The following TARBP1 variants were observed in gnomAD, a reference collection of about 807,000 sequenced individuals.
The protein encoded by TARBP1 is tRNA guanosine 2 -O-methyltransferase TARBP1, also known as tRNA (guanosine(18)-2'-O)-methyltransferase TARBP1.
Under a neutral mutation model 178.6 loss-of-function variants are expected in TARBP1, and 144 were observed. The ratio of observed to expected loss-of-function variants is 0.81; its 90% CI spans 0.70 to 0.93. The LOEUF (loss-of-function observed/expected upper bound fraction) is 0.93. Ranked by LOEUF, TARBP1 falls within the 40% of genes least tolerant of loss-of-function variation. The pLI, the probability that TARBP1 is intolerant of heterozygous loss-of-function variation, is 0.00. For missense variants in TARBP1, 2,067 were observed against 2,011.7 expected (o/e 1.03, Z -0.53); for synonymous variants, 787 against 781.0 (o/e 1.01, Z -0.13).
At chr1:234,395,742 A>G (rs1324412509) in intron 26 of TARBP1, among the ~76,000 whole-genome samples, 1 of 152,096 alleles carries the variant, frequency 6.6e-6, no homozygotes, top group Non-Finnish European at 1.5e-5. Context: ...GTTCTGGGAG[A>G]GGATGAAGAG....
chr1:234,403,668 C>G lies in TARBP1; in HGVS notation c.3989+2235G>C, dbSNP rs114330280. ...TCACAGAACAGAGGTGGCTTAATGCCCAGGGTGCCTTATTTATTTGTTTAT... is the reference window on the plus strand; with the variant it reads ...TCACAGAACAGAGGTGGCTTAATGCGCAGGGTGCCTTATTTATTTGTTTAT... On this transcript the variant is annotated intron_variant, in intron 24 of 29. Coordinates refer to ENST00000040877, the MANE Select transcript of TARBP1 (RefSeq NM_005646.4). 9.1e-3 allele frequency among the ~76,000 whole-genome samples: 1,386 copies of G among 152,180 alleles called. 16 individuals carry two copies. The highest frequency in any genetic ancestry group is 0.015 in the Non-Finnish European group (1,041 of 67,976).
chr1:234,465,712 A>AAC lies in TARBP1; in HGVS notation c.1249-5_1249-4insGT. On this transcript the variant is annotated splice_polypyrimidine_tract_variant and splice_region_variant and intron_variant, in intron 4 of 29. Transcript: ENST00000040877. ...CCATTAATGGTCCAATAATAAACTA[A>AAC]AAAAAAAAAAAAAAAAAGACACGTA... 1.3e-6 allele frequency: 1 copy of AAC among 773,036 alleles called. No homozygotes were observed. Among genetic ancestry groups the AAC allele is most frequent in the African/African-American group, 2.0e-5 (1 of 50,590 alleles). The allele number at this position is 773,036 out of a possible 1,614,324, so 47.9% of individuals were successfully genotyped here.
At chr1:234,405,811 AAGG>A in intron 24 of TARBP1, 89 bp downstream of exon 24, 2 of 1,232,988 alleles carry the variant, frequency 1.6e-6, no homozygotes, top group Non-Finnish European at 2.3e-6. Context: ...GAGGATGTGG[AAGG>A]AGAAGCTGAC....
Position 234,461,830 on chromosome 1 carries a change from T to TGTGATTTC in TARBP1, c.1400-1442_1400-1435dup, listed in dbSNP as rs1667889430. 2.0e-5 allele frequency among the ~76,000 whole-genome samples: 3 copies of TGTGATTTC among 152,352 alleles called. No individual in the cohort carries two copies. In the South Asian group the frequency reaches 6.2e-4, roughly 32 times the overall value. On this transcript the variant is annotated intron_variant, in intron 6 of 29. Coordinates refer to ENST00000040877, the MANE Select transcript of TARBP1 (RefSeq NM_005646.4). Reference sequence around the variant, plus strand: ...CTTCATTCTGTCCTCTCTGCTAATCTGTGATTTCTTAAGGACCCTCATCTC... The same window carrying TGTGATTTC: ...CTTCATTCTGTCCTCTCTGCTAATCTGTGATTTCGTGATTTCTTAAGGACCCTCATCTC...
At chr1:234,465,821 A>G in intron 4 of TARBP1, 113 bp from the exon 5 acceptor site, 5 of 930,032 alleles carry the variant, frequency 5.4e-6, no homozygotes, top group Non-Finnish European at 7.6e-6. Flanking sequence ...ACCTGCTATA[A>G]GCAAAGCTGA....
At chr1:234,466,768 CA>C (rs1668480952) in intron 4 of TARBP1, among the ~76,000 whole-genome samples, 1 of 151,944 alleles carries the variant, frequency 6.6e-6, no homozygotes, top group African/African-American at 2.4e-5. Flanking sequence ...GAGGCTGAGG[CA>C]GGGGGATCAC....
At chr1:234,430,462 A>C (rs1664309358) in intron 14 of TARBP1, among the ~76,000 whole-genome samples, 161 bp from the exon 15 acceptor site, 1 of 152,226 alleles carries the variant, frequency 6.6e-6, no homozygotes, top group Non-Finnish European at 1.5e-5. Flanking sequence ...CACATCATTC[A>C]CTTCCACTAC....
At chr1:234,410,655 C>T (rs576736006) in intron 22 of TARBP1, 124 bp from the exon 23 acceptor site, 12 of 606,800 alleles carry the variant, frequency 2.0e-5, no homozygotes, top group Admixed American at 1.0e-4. Context: ...TGGAACAGCC[C>T]GGGGTCTGGG....
Position 234,471,212 on chromosome 1 carries a change from C to G in TARBP1, c.1075G>C (p.Glu359Gln). The change falls in exon 3 of 30, where the codon GAA becomes CAA. Residue 359 changes from glutamate (E) to glutamine (Q), a missense_variant. Coordinates refer to ENST00000040877, the MANE Select transcript of TARBP1 (RefSeq NM_005646.4). ...PVLPKLNNLF[E>Q]YAVSEENGCW... is the part of the protein sequence containing the mutation. ...CCATTTTCCTCTGACACCGCATATT[C>G]AAACAGATTGTTTAGCTTTGGTAAA... 4 of 1,601,222 alleles carry G rather than the reference C, an allele frequency of 2.5e-6. No individual in the cohort carries two copies. The highest frequency in any genetic ancestry group is 4.5e-5 in the East Asian group (2 of 44,422).
In TARBP1 at chr1:234,459,284, C is replaced by G. The variant is rs1160080409; in HGVS notation, c.1578G>C (p.Leu526=). 5 of 1,613,358 alleles carry G rather than the reference C, an allele frequency of 3.1e-6. No homozygotes were observed. Among genetic ancestry groups the G allele is most frequent in the Non-Finnish European group, 4.2e-6 (5 of 1,179,812 alleles). The change falls in exon 8 of 30, where the codon CTG becomes CTC. Residue 526 remains leucine (L), a synonymous_variant. Coordinates refer to ENST00000040877, the MANE Select transcript of TARBP1 (RefSeq NM_005646.4). Reference sequence around the variant, plus strand: ...GAAGGTAGCATTGGGCTGCCCCTCTCAGGAGAATCTGATGTGTGATCATAG... The same window carrying G: ...GAAGGTAGCATTGGGCTGCCCCTCTGAGGAGAATCTGATGTGTGATCATAG... ...HCTMITHQIL[L]RGAAQCYLLQ... is the part of the protein sequence containing the mutation.
chr1:234,421,371 G>A (rs1663071438), intron 20 of TARBP1, among the ~76,000 whole-genome samples: 1 of 152,180 alleles, frequency 6.6e-6, no homozygotes, highest in African/African-American at 2.4e-5. Context: ...TTACAGGCAT[G>A]AGCCATGGCG....
intron 12 of TARBP1, among the ~76,000 whole-genome samples, chr1:234,445,428 T>A (rs1162988407): frequency 6.8e-6 from 1 of 148,094 alleles, no homozygotes; most frequent in East Asian, 2.0e-4. Context: ...AGAGGGCAGA[T>A]CTTAGGTTAA....
chr1:234,425,568 C>T, intron 20 of TARBP1, 105 bp downstream of exon 20: 1 of 1,238,260 alleles, frequency 8.1e-7, no homozygotes, highest in Non-Finnish European at 1.1e-6. Context: ...TTTGTGTTTT[C>T]TCCTGACAAA....
chr1:234,436,863 T>C (rs1178809331), intron 13 of TARBP1, among the ~76,000 whole-genome samples: 2 of 152,220 alleles, frequency 1.3e-5, no homozygotes, highest in African/African-American at 4.8e-5. Flanking sequence ...CCTCTACACC[T>C]AAAACCTAAT....
intron 25 of TARBP1, chr1:234,400,471 T>C (rs1660567626): frequency 6.6e-6 from 1 of 152,014 alleles, no homozygotes; most frequent in Non-Finnish European, 1.5e-5. Context: ...AGTTTATCAA[T>C]AATCTTAGTA....
Position 234,393,401 on chromosome 1 carries a change from G to T in TARBP1, c.4521C>A (p.His1507Gln). ...GCCACTGTTCTGCAGAGACACTGAG[G>T]TGCTGAAACTGTTTGTCGCTGATAC... ...LQCISDKQFQHLSVSAEQWLP... is the reference protein window; with the variant it reads ...LQCISDKQFQQLSVSAEQWLP... The change falls in exon 28 of 30, where the codon CAC becomes CAA. Residue 1507 changes from histidine to glutamine, a missense_variant. His to Gln is a conservative substitution (Grantham distance 24, BLOSUM62 0). Coordinates refer to ENST00000040877, the MANE Select transcript of TARBP1 (RefSeq NM_005646.4). 6.2e-7 allele frequency: 1 copy of T among 1,605,056 alleles called. No individual in the cohort carries two copies. The highest frequency in any genetic ancestry group is 8.5e-7 in the Non-Finnish European group (1 of 1,175,338).
rs1491415700 is a variant in TARBP1 at position 234,474,287 on chromosome 1, CAA to C, written c.932-1478_932-1477del. ...ACACACACACACACACACACACACA[CAA>C]AGGGGACATTTAAAAAAAAAAACTC... On this transcript the variant is annotated intron_variant, in intron 1 of 29. Transcript: ENST00000040877. Among the ~76,000 whole-genome samples the C allele has an allele frequency of 8.5e-3, 1,141 of 134,588 alleles. 14 individuals are homozygous for C. Among genetic ancestry groups the C allele is most frequent in the Non-Finnish European group, 0.014 (839 of 61,756 alleles). 88.3% of individuals were successfully genotyped at this position (134,588 alleles called of 152,430 possible).
At chr1:234,441,772 A>G (rs1665620974) in intron 12 of TARBP1, among the ~76,000 whole-genome samples, 1 of 152,146 alleles carries the variant, frequency 6.6e-6, no homozygotes. Context: ...AGATTTGCCT[A>G]TTCCGGACAT....
intron 17 of TARBP1, 116 bp downstream of exon 17, chr1:234,429,020 T>C: frequency 1.1e-6 from 1 of 900,444 alleles, no homozygotes; most frequent in Non-Finnish European, 1.6e-6. Flanking sequence ...CAAAAATATT[T>C]TTGACTGAAG....
Sources: allele counts gnomAD v4.1 joint callset (sites outside exome capture counted in the v4.1 genomes callset), GRCh38; gene constraint gnomAD v4.1.1; transcripts MANE v1.5; gene names NCBI Gene and HGNC (gene_info 2026-07-23, HGNC 2026-07-21).